Variants in ACSM6 observed in about 807,000 individuals in gnomAD.
The protein encoded by ACSM6 is acyl-CoA synthetase medium chain family member 6, also known as acyl-coenzyme A synthetase ACSM6, mitochondrial.
A neutral mutation model predicts 51.1 loss-of-function variants in ACSM6; 35 were observed. That is an observed-to-expected ratio of 0.69 (90% CI 0.52 to 0.91). The LOEUF (loss-of-function observed/expected upper bound fraction) is 0.91. ACSM6 is among the 40% of genes least tolerant of loss of function. The probability of loss-of-function intolerance (pLI) is 0.00; values close to 1 mark genes in which losing one functional copy is unlikely to be tolerated. For missense variants in ACSM6, 509 were observed against 584.1 expected (o/e 0.87, Z 1.32); for synonymous variants, 172 against 207.3 (o/e 0.83, Z 1.46).
rs968429103 is a variant in ACSM6 at position 95,219,788 on chromosome 10, G to A, written c.1120-103G>A. ...AAGATTACTTGTTAGACTGTGTAATGTTGTTCTGTTAGGAGGCACATAATG... is the reference window on the plus strand; with the variant it reads ...AAGATTACTTGTTAGACTGTGTAATATTGTTCTGTTAGGAGGCACATAATG... On this transcript the variant is annotated intron_variant, in intron 8 of 10. Transcript: ENST00000341686. 4.8e-6 allele frequency: 4 copies of A among 837,240 alleles called. No individual in the cohort carries two copies. In the Admixed American group the frequency reaches 6.5e-5, roughly 14 times the overall value. The allele number at this position is 837,240 out of a possible 1,614,324, so 51.9% of individuals were successfully genotyped here. A position where few individuals can be genotyped will look rare whatever the true frequency, so the allele number is the denominator to read the frequency against.
intron 2 of ACSM6, among the ~76,000 whole-genome samples, chr10:95,197,619 G>A (rs964625308): frequency 4.7e-4 from 72 of 152,290 alleles, no homozygotes; most frequent in Non-Finnish European, 8.2e-4. Context: ...ACCATAGGGC[G>A]GTTTTTCTCT....
intron 9 of ACSM6, among the ~76,000 whole-genome samples, chr10:95,223,870 A>G (rs2035015299): frequency 6.6e-6 from 1 of 151,966 alleles, no homozygotes. Flanking sequence ...ATCTCTATTC[A>G]ACATGACATG....
intron 7 of ACSM6, among the ~76,000 whole-genome samples, chr10:95,214,475 C>T (rs1191257017): frequency 1.3e-5 from 2 of 152,208 alleles, no homozygotes; most frequent in Admixed American, 1.3e-4. Context: ...CTCCAGACTT[C>T]AGAAAATTAG....
At chr10:95,227,915 A>G (rs966229915) in intron 10 of ACSM6, among the ~76,000 whole-genome samples, 5 of 151,972 alleles carry the variant, frequency 3.3e-5, no homozygotes, top group African/African-American at 1.2e-4. Context: ...TAAAAATACA[A>G]AAAAAATTAG....
At chr10:95,227,405 A>G (rs965724984) in intron 10 of ACSM6, among the ~76,000 whole-genome samples, 4 of 152,210 alleles carry the variant, frequency 2.6e-5, no homozygotes, top group Non-Finnish European at 5.9e-5. Flanking sequence ...TATTTCTTCA[A>G]TGAGTATCCT....
chr10:95,201,898 C>T (rs1269488007), intron 2 of ACSM6, 87 bp from the exon 3 acceptor site: 9 of 1,161,910 alleles, frequency 7.7e-6, no homozygotes, highest in Non-Finnish European at 1.1e-5. Flanking sequence ...GATCTAGCCA[C>T]TTGAGGGTGC....
intron 3 of ACSM6, among the ~76,000 whole-genome samples, chr10:95,203,857 TA>T (rs34969526): frequency 0.4 from 43,239 of 106,852 alleles, 7,917 homozygotes; most frequent in Middle Eastern, 0.45. Context: ...ATGCTAGATT[TA>T]AAAAAAAAAA....
At position 95,207,650 on chromosome 10, in the gene ACSM6, C is replaced by A. The variant is rs1259573812; in HGVS notation, c.611+235C>A. 5.9e-5 allele frequency among the ~76,000 whole-genome samples: 9 copies of A among 152,242 alleles called. No individual in the cohort carries two copies. The East Asian group carries it at 1.7e-3, about 29-fold the overall frequency. ...CCCAACACAAGCATCCCTGGTCTGA[C>A]CTACAAGTTCCCAGTCTGAGTGAAA... is the stretch of plus-strand genomic sequence containing the variant. On this transcript the variant is annotated intron_variant, in intron 4 of 10. Transcript: ENST00000341686.
chr10:95,224,142 A>G (rs527383080), intron 9 of ACSM6, among the ~76,000 whole-genome samples: 1 of 152,314 alleles, frequency 6.6e-6, no homozygotes, highest in Non-Finnish European at 1.5e-5. Flanking sequence ...TCTTTTCCCA[A>G]AGTCTAAAGT....
intron 9 of ACSM6, among the ~76,000 whole-genome samples, chr10:95,223,440 A>G (rs1168563427): frequency 6.6e-6 from 1 of 152,184 alleles, no homozygotes; most frequent in Non-Finnish European, 1.5e-5. Flanking sequence ...AAATCTCAAC[A>G]AAATACCAGC....
chr10:95,225,356 C>T, exon 10 of ACSM6: 1 of 1,551,590 alleles, frequency 6.4e-7, no homozygotes. Flanking sequence ...CCGCATAAAA[C>T]TAAACCAACC....
intron 9 of ACSM6, among the ~76,000 whole-genome samples, chr10:95,224,451 T>C (rs2035020451): frequency 6.6e-6 from 1 of 152,248 alleles, no homozygotes; most frequent in Non-Finnish European, 1.5e-5. Context: ...AGTTTTGCTC[T>C]TGTTGCCCAG....
chr10:95,212,718 T>G, intron 6 of ACSM6, 140 bp from the exon 7 acceptor site: 3 of 652,510 alleles, frequency 4.6e-6, no homozygotes, highest in African/African-American at 1.8e-5. Context: ...ACTAAGTCTT[T>G]GAGATAAAAG....
At chr10:95,202,220 G>C in intron 3 of ACSM6, 25 bp downstream of exon 3, 5 of 1,534,290 alleles carry the variant, frequency 3.3e-6, no homozygotes, top group South Asian at 2.4e-5. Flanking sequence ...ACGGACCCCA[G>C]GGGTTGGAGG....
intron 3 of ACSM6, among the ~76,000 whole-genome samples, chr10:95,204,494 T>C (rs2034823986): frequency 6.6e-6 from 1 of 151,970 alleles, no homozygotes. Flanking sequence ...GTGGAGTTTA[T>C]AGTCAGCCAA....
intron 10 of ACSM6, 108 bp from the exon 11 acceptor site, chr10:95,228,536 C>T: frequency 1.8e-6 from 2 of 1,141,862 alleles, no homozygotes; most frequent in Non-Finnish European, 2.3e-6. Context: ...GGGATCCTGA[C>T]TTATTTTTCT....
intron 4 of ACSM6, among the ~76,000 whole-genome samples, chr10:95,208,623 A>C (rs531660124): frequency 1.3e-5 from 2 of 152,222 alleles, no homozygotes; most frequent in Non-Finnish European, 1.5e-5. Flanking sequence ...CCTGTGGTCA[A>C]CTACCGTCCA....
chr10:95,195,581 C>T (rs1054180930), intron 2 of ACSM6, among the ~76,000 whole-genome samples: 17 of 152,298 alleles, frequency 1.1e-4, no homozygotes, highest in African/African-American at 3.8e-4. Context: ...CATTTCCTCC[C>T]TCTGTCAAGT....
chr10:95,210,991 G>C (rs2034887802), intron 5 of ACSM6, among the ~76,000 whole-genome samples, 198 bp downstream of exon 5: 1 of 152,198 alleles, frequency 6.6e-6, no homozygotes, highest in Non-Finnish European at 1.5e-5. Flanking sequence ...GAGTAAGCAG[G>C]AGGGAAAAGA....
Sources: allele counts gnomAD v4.1 joint callset (sites outside exome capture counted in the v4.1 genomes callset), GRCh38; gene constraint gnomAD v4.1.1; transcripts MANE v1.5; gene names NCBI Gene and HGNC (gene_info 2026-07-23, HGNC 2026-07-21).